Variants in EPHA6 observed in about 807,000 individuals in gnomAD.
EPHA6 encodes ephrin type-A receptor 6.
Under a neutral mutation model 112.0 loss-of-function variants are expected in EPHA6, and 50 were observed. The observed-to-expected ratio is 0.45, with a 90% confidence interval of 0.36 to 0.56. The LOEUF (loss-of-function observed/expected upper bound fraction) is 0.56. Ranked by LOEUF, EPHA6 falls within the 20% of genes least tolerant of loss-of-function variation. EPHA6 has a pLI of 0.00. For synonymous variants in EPHA6, 529 were observed against 490.7 expected (o/e 1.08, Z -1.03); for missense variants, 1,280 against 1,417.4 (o/e 0.90, Z 1.56).
intron 11 of EPHA6, among the ~76,000 whole-genome samples, chr3:97,581,565 A>G (rs1460450477): frequency 6.6e-6 from 1 of 152,266 alleles, no homozygotes; most frequent in Non-Finnish European, 1.5e-5. Context: ...GAGAGAAAAG[A>G]GCCACAGAGA....
chr3:97,048,776 TGAG>T (rs2108077586), intron 3 of EPHA6, among the ~76,000 whole-genome samples: 1 of 152,098 alleles, frequency 6.6e-6, no homozygotes, highest in South Asian at 2.1e-4. Flanking sequence ...CTTATTTAAA[TGAG>T]GAGGAGAGAA....
chr3:97,507,603 G>T (rs139893198), intron 10 of EPHA6, among the ~76,000 whole-genome samples: 52 of 152,222 alleles, frequency 3.4e-4, no homozygotes, highest in African/African-American at 1.2e-3. Flanking sequence ...ATGTTCATCA[G>T]GGATATTGGT....
intron 3 of EPHA6, among the ~76,000 whole-genome samples, chr3:97,207,597 G>T (rs1273551960): frequency 6.6e-6 from 1 of 152,074 alleles, no homozygotes; most frequent in Non-Finnish European, 1.5e-5. Flanking sequence ...TTGATTAACT[G>T]GAGGGTTTGT....
chr3:96,936,656 T>C (rs192405629), intron 2 of EPHA6, among the ~76,000 whole-genome samples: 3 of 152,140 alleles, frequency 2.0e-5, no homozygotes, highest in African/African-American at 7.2e-5. Context: ...ATGTGCACAA[T>C]GTGCAGGTTT....
At chr3:97,466,993 A>G (rs1005343310) in intron 7 of EPHA6, among the ~76,000 whole-genome samples, 7 of 151,624 alleles carry the variant, frequency 4.6e-5, no homozygotes, top group African/African-American at 9.7e-5. Flanking sequence ...TAATCTTCCT[A>G]CGATTTTTTC....
chr3:97,234,616 A>G (rs1362583639), intron 4 of EPHA6, among the ~76,000 whole-genome samples: 1 of 151,892 alleles, frequency 6.6e-6, no homozygotes, highest in Non-Finnish European at 1.5e-5. Context: ...GTTCCCTTTT[A>G]ATCTAAGACA....
chr3:96,898,947 G>GA (rs2038439800), intron 2 of EPHA6, among the ~76,000 whole-genome samples: 1 of 151,152 alleles, frequency 6.6e-6, no homozygotes, highest in Admixed American at 6.6e-5. Context: ...AGAATGGCGT[G>GA]AACCCGGGAG....
chr3:96,868,909 T>C (rs1012754732), intron 2 of EPHA6, among the ~76,000 whole-genome samples: 1 of 151,992 alleles, frequency 6.6e-6, no homozygotes, highest in Non-Finnish European at 1.5e-5. Flanking sequence ...GTTACAGAAT[T>C]AGGCATTCAG....
intron 5 of EPHA6, among the ~76,000 whole-genome samples, chr3:97,285,297 T>A (rs1467996321): frequency 6.6e-6 from 1 of 152,160 alleles, no homozygotes; most frequent in South Asian, 2.1e-4. Context: ...ATGTGATAAA[T>A]GTAACTATCA....
intron 2 of EPHA6, among the ~76,000 whole-genome samples, chr3:96,906,534 G>C (rs2038942703): frequency 6.6e-6 from 1 of 152,028 alleles, no homozygotes; most frequent in Non-Finnish European, 1.5e-5. Context: ...AGATAAGGCA[G>C]ATTCAGACAT....
intron 3 of EPHA6, among the ~76,000 whole-genome samples, chr3:97,001,032 G>A (rs1446051412): frequency 5.2e-3 from 465 of 88,960 alleles, no homozygotes; most frequent in African/African-American, 0.016. Flanking sequence ...ATATATATAT[G>A]CATGTGTGTT....
At chr3:97,388,385 T>C (rs1297595372) in intron 5 of EPHA6, among the ~76,000 whole-genome samples, 1 of 152,006 alleles carries the variant, frequency 6.6e-6, no homozygotes, top group African/African-American at 2.4e-5. Flanking sequence ...AGTGAGCAAA[T>C]AGAGTTTTAC....
intron 14 of EPHA6, among the ~76,000 whole-genome samples, chr3:97,640,305 C>T (rs180780564): frequency 3.3e-5 from 5 of 152,108 alleles, no homozygotes; most frequent in South Asian, 2.1e-4. Context: ...ATGGGCCTAT[C>T]GATGAAAATT....
At chr3:97,651,114 A>G (rs1180417103) in intron 14 of EPHA6, among the ~76,000 whole-genome samples, 1 of 152,114 alleles carries the variant, frequency 6.6e-6, no homozygotes, top group Non-Finnish European at 1.5e-5. Context: ...TTAATGGCTT[A>G]TTTATTAATT....
At chr3:97,609,801 TA>T (rs946260351) in intron 12 of EPHA6, among the ~76,000 whole-genome samples, 1 of 151,530 alleles carries the variant, frequency 6.6e-6, no homozygotes, top group African/African-American at 2.4e-5. Context: ...TTTGTGTTTG[TA>T]AGGAAAAACT....
intron 11 of EPHA6, among the ~76,000 whole-genome samples, chr3:97,578,310 G>A (rs1021252019): frequency 1.3e-5 from 2 of 151,904 alleles, no homozygotes; most frequent in Admixed American, 6.6e-5. Context: ...GCTGTCTTCA[G>A]CACACTGTCC....
chr3:97,620,216 T>A (rs931698980), intron 13 of EPHA6, among the ~76,000 whole-genome samples: 1 of 152,112 alleles, frequency 6.6e-6, no homozygotes, highest in African/African-American at 2.4e-5. Flanking sequence ...GCTAGCCATA[T>A]GCAGAAAATT....
intron 3 of EPHA6, among the ~76,000 whole-genome samples, chr3:97,142,611 C>T (rs1340706473): frequency 2.0e-5 from 3 of 151,820 alleles, no homozygotes; most frequent in Non-Finnish European, 4.4e-5. Context: ...CAAGGTTGAA[C>T]CATGAAGAAA....
At chr3:97,122,476 C>G (rs903140683) in intron 3 of EPHA6, among the ~76,000 whole-genome samples, 1 of 151,884 alleles carries the variant, frequency 6.6e-6, no homozygotes, top group Non-Finnish European at 1.5e-5. Context: ...TTATATGTTC[C>G]ATTTTTCTAC....
Sources: gnomAD v4.1 joint callset for allele counts (sites outside exome capture counted in the v4.1 genomes callset) on GRCh38, gnomAD v4.1.1 for gene constraint, MANE v1.5 for transcripts, NCBI Gene and HGNC (gene_info 2026-07-23, HGNC 2026-07-21) for gene names.